Variants in INPP5F observed in about 807,000 individuals in gnomAD.
INPP5F encodes inositol polyphosphate-5-phosphatase F, also known as phosphatidylinositide 4-phosphatase SAC2.
A neutral mutation model predicts 137.2 loss-of-function variants in INPP5F; 97 were observed. The observed-to-expected ratio is 0.71, with a 90% CI of 0.60 to 0.84. The LOEUF (loss-of-function observed/expected upper bound fraction) is 0.84, where lower values mean the gene tolerates loss of function less well. Ranked by LOEUF, INPP5F falls within the 40% of genes least tolerant of loss-of-function variation. INPP5F has a pLI of 0.00. For synonymous variants in INPP5F, 504 were observed against 476.9 expected (o/e 1.06, Z -0.74); for missense variants, 1,271 against 1,371.9 (o/e 0.93, Z 1.16).
chr10:119,824,037 T>C, intron 19 of INPP5F, 135 bp downstream of exon 19: 3 of 600,786 alleles, frequency 5.0e-6, no homozygotes, highest in Non-Finnish European at 8.6e-6. Flanking sequence ...AAGGATCAAA[T>C]TTCTGCAGAT....
chr10:119,726,311 C>A lies in INPP5F; in HGVS notation c.49C>A (p.Arg17Ser). 6.7e-7 allele frequency: 1 copy of A among 1,484,318 alleles called. No homozygotes were observed. Among genetic ancestry groups the A allele is most frequent in the Non-Finnish European group, 9.0e-7 (1 of 1,115,948 alleles). 91.9% of individuals were successfully genotyped at this position (1,484,318 alleles called of 1,614,324 possible). A position where few individuals can be genotyped will look rare whatever the true frequency, so the allele number is the denominator to read the frequency against. Residue 17 changes from arginine (R) to serine (S), a missense_variant, in exon 1 of 20, where the codon CGC (arginine) becomes AGC (serine). Physicochemically the swap from Arg to Ser is moderately radical, Grantham distance 110. This residue lies in a region of INPP5F where 109 missense variants were observed against 105.1 expected (regional missense o/e 1.04). Transcript: ENST00000650623. ...KDHYILQQGERALWCSRRDGG... is the reference protein window; with the variant it reads ...KDHYILQQGESALWCSRRDGG... ...CCACTACATCCTGCAGCAGGGCGAG[C>A]GCGCGCTGTGGTGCAGCCGCCGCGA...
chr10:119,729,011 A>G (rs1425549825), intron 1 of INPP5F, among the ~76,000 whole-genome samples: 1 of 152,204 alleles, frequency 6.6e-6, no homozygotes, highest in African/African-American at 2.4e-5. Context: ...CTTAGGACAG[A>G]GAAGGCGTTT....
At position 119,791,986 on chromosome 10, in the gene INPP5F, G is replaced by T; in HGVS notation, c.562G>T (p.Val188Leu). Reference protein sequence around the residue: ...YSLTYDLTNSVQRQSTGERDG... With the variant: ...YSLTYDLTNSLQRQSTGERDG... ...CTTGACCTATGACCTGACCAATTCC[G>T]TGCAGAGGCAGAGCACTGGGGAGAG... Residue 188 changes from valine (V) to leucine (L), a missense_variant, in exon 5 of 20, where the codon GTG becomes TTG. Coordinates refer to ENST00000650623, the MANE Select transcript of INPP5F (RefSeq NM_014937.4). 1 of 1,614,210 alleles carries T rather than the reference G, an allele frequency of 6.2e-7. No homozygotes were observed. The highest frequency in any genetic ancestry group is 8.5e-7 in the Non-Finnish European group (1 of 1,180,032).
chr10:119,797,151 C>G (rs756094354), intron 7 of INPP5F, among the ~76,000 whole-genome samples: 31 of 152,120 alleles, frequency 2.0e-4, no homozygotes, highest in Non-Finnish European at 4.0e-4. Flanking sequence ...GGGAAAAAGT[C>G]ACTTGAGATG....
At chr10:119,727,183 A>G (rs1847919397) in intron 1 of INPP5F, among the ~76,000 whole-genome samples, 1 of 152,198 alleles carries the variant, frequency 6.6e-6, no homozygotes, top group Non-Finnish European at 1.5e-5. Flanking sequence ...TGGCTTGCTA[A>G]TCCTTTCCTC....
chr10:119,802,011 C>T (rs1850611353), intron 9 of INPP5F, among the ~76,000 whole-genome samples: 1 of 152,062 alleles, frequency 6.6e-6, no homozygotes, highest in Non-Finnish European at 1.5e-5. Context: ...GGCGTTGGGC[C>T]CACAGTCGGT....
intron 3 of INPP5F, among the ~76,000 whole-genome samples, chr10:119,783,410 G>A (rs1436131937): frequency 6.6e-6 from 1 of 152,146 alleles, no homozygotes; most frequent in Non-Finnish European, 1.5e-5. Context: ...GAACCAGCCC[G>A]CCCAGCACTT....
At chr10:119,732,485 T>C (rs1185148265) in intron 1 of INPP5F, among the ~76,000 whole-genome samples, 2 of 128,868 alleles carry the variant, frequency 1.6e-5, no homozygotes, top group Non-Finnish European at 3.4e-5. Context: ...TGAGCACTTT[T>C]CTTTTTTCTT....
At chr10:119,808,760 G>T (rs1416306334) in intron 13 of INPP5F, among the ~76,000 whole-genome samples, 1 of 152,192 alleles carries the variant, frequency 6.6e-6, no homozygotes, top group African/African-American at 2.4e-5. Flanking sequence ...GGAAGTGTTA[G>T]AATTTGTTTA....
intron 2 of INPP5F, among the ~76,000 whole-genome samples, chr10:119,779,041 A>G (rs1849615629): frequency 6.6e-6 from 1 of 151,922 alleles, no homozygotes; most frequent in Non-Finnish European, 1.5e-5. Context: ...CCCCGTTTCC[A>G]CCTACTCTGT....
In INPP5F at chr10:119,764,343, GCA is replaced by G. The variant is rs71019713; in HGVS notation, c.178+13204_178+13205del. Among the ~76,000 whole-genome samples, 70 of 150,764 alleles carry G rather than the reference GCA, an allele frequency of 4.6e-4. 1 individual carries two copies. Among genetic ancestry groups the G allele is most frequent in the East Asian group, 9.8e-4 (5 of 5,128 alleles). The stretch of plus-strand genomic sequence containing the variant: ...CATGTGCTTGCATACACAGGCGTGT[GCA>G]CACACACACACACACAAACACACAC... On this transcript the variant is annotated intron_variant, in intron 2 of 19. Transcript: ENST00000650623.
intron 9 of INPP5F, among the ~76,000 whole-genome samples, chr10:119,801,920 A>G (rs1234103418): frequency 6.6e-6 from 1 of 152,160 alleles, no homozygotes; most frequent in East Asian, 1.9e-4. Flanking sequence ...AGGTGTGTGT[A>G]TTGAGCAGAT....
intron 1 of INPP5F, among the ~76,000 whole-genome samples, chr10:119,731,343 A>G (rs1490064509): frequency 6.6e-6 from 1 of 151,300 alleles, no homozygotes; most frequent in East Asian, 1.9e-4. Flanking sequence ...AAAAAAAAAA[A>G]GGATTTTGAA....
At chr10:119,751,233 G>A in intron 2 of INPP5F, 77 bp downstream of exon 2, 1 of 892,404 alleles carries the variant, frequency 1.1e-6, no homozygotes, top group Non-Finnish European at 1.9e-6. Context: ...GAGGATACAT[G>A]AGATTCTCTT....
chr10:119,769,700 C>G (rs1849281014), intron 2 of INPP5F, among the ~76,000 whole-genome samples: 1 of 152,158 alleles, frequency 6.6e-6, no homozygotes, highest in Non-Finnish European at 1.5e-5. Flanking sequence ...CATCAGAGCT[C>G]CTGGTTCTCA....
At chr10:119,728,648 A>G (rs975660583) in intron 1 of INPP5F, among the ~76,000 whole-genome samples, 9 of 152,232 alleles carry the variant, frequency 5.9e-5, no homozygotes, top group African/African-American at 2.2e-4. Flanking sequence ...ACAACCTGAA[A>G]CAAGAGTTTT....
chr10:119,809,974 A>G, intron 13 of INPP5F, 126 bp from the exon 14 acceptor site: 4 of 635,442 alleles, frequency 6.3e-6, no homozygotes, highest in Non-Finnish European at 1.1e-5. Flanking sequence ...TTTGAAAATT[A>G]TAGAAGTCAG....
Position 119,796,834 on chromosome 10 carries a change from TCAG to T in INPP5F, c.790_792del (p.Gln264del). 1 of 1,613,754 alleles carries T rather than the reference TCAG, an allele frequency of 6.2e-7. No individual in the cohort carries two copies. Among genetic ancestry groups the T allele is most frequent in the South Asian group, 1.1e-5 (1 of 90,978 alleles). ...AGAAAAGCAGCCCAGAGACCCCCCC[TCAG>T]GAGTCCACCTGTGTAGATGATATTC... On this transcript the variant is annotated inframe_deletion, in exon 7 of 20. Coordinates refer to ENST00000650623, the MANE Select transcript of INPP5F (RefSeq NM_014937.4).
At chr10:119,800,947 C>CAAA (rs11365692) in intron 9 of INPP5F, among the ~76,000 whole-genome samples, 2 of 73,842 alleles carry the variant, frequency 2.7e-5, no homozygotes, top group Non-Finnish European at 2.9e-5. Context: ...CACTCTGTCT[C>CAAA]AAAAAAAAAA....
Sources: gnomAD v4.1 joint callset for allele counts (sites outside exome capture counted in the v4.1 genomes callset) on GRCh38, gnomAD v4.1.1 for gene constraint, gnomAD v4.1.1 regional missense constraint, MANE v1.5 for transcripts, NCBI Gene and HGNC (gene_info 2026-07-23, HGNC 2026-07-21) for gene names.